The following CIPC variants were observed in gnomAD, a reference collection of about 807,000 sequenced individuals.
The protein encoded by CIPC is CLOCK interacting pacemaker.
A neutral mutation model predicts 26.7 loss-of-function variants in CIPC; 12 were observed. That is an observed-to-expected ratio of 0.45 (90% confidence interval 0.29 to 0.73). The LOEUF is 0.73. CIPC is among the 30% of genes least tolerant of loss of function. The pLI is 0.12. For missense variants in CIPC, 417 were observed against 486.5 expected, an observed-to-expected ratio of 0.86 and a Z score of 1.34; for synonymous variants, 170 against 189.8, an observed-to-expected ratio of 0.90 and a Z score of 0.86.
intron 2 of CIPC, among the ~76,000 whole-genome samples, chr14:77,108,859 C>T (rs1293963180): frequency 1.3e-5 from 2 of 152,158 alleles, no homozygotes; most frequent in African/African-American, 4.8e-5. Flanking sequence ...ATCATCATTT[C>T]TGATACTCAA....
In CIPC at chr14:77,105,689, T is replaced by C. The variant is rs375619876; in HGVS notation, c.-20T>C. ...CAGATGAAAAGAGTACCAATGAATC[T>C]GCCTCCAGCTGAATAAACCATGGAG... On this transcript the variant is annotated 5_prime_UTR_variant, in exon 2 of 4. Transcript: ENST00000361786. 111 of 1,609,554 alleles carry C rather than the reference T, an allele frequency of 6.9e-5. No homozygotes were observed. The East Asian group carries it at 1.8e-3, about 26-fold the overall frequency.
In CIPC at chr14:77,113,977, G is replaced by A. The variant is rs750253707; in HGVS notation, c.859G>A (p.Ala287Thr). 1.9e-6 allele frequency: 3 copies of A among 1,614,172 alleles called. No homozygotes were observed. The highest frequency in any genetic ancestry group is 1.3e-5 in the African/African-American group (1 of 75,048). Residue 287 changes from alanine to threonine, a missense_variant, in exon 4 of 4, where the codon GCT (alanine) becomes ACT (threonine). Transcript: ENST00000361786. ...CAACTCTCCCCTTTCACCACTGTCC[G>A]CTAATTATAGCTCACCTTTATGGGC... ...ESNSPLSPLS[A>T]NYSSPLWAAE...
intron 1 of CIPC, among the ~76,000 whole-genome samples, chr14:77,102,753 A>G (rs1019100801): frequency 6.6e-6 from 1 of 152,200 alleles, no homozygotes; most frequent in African/African-American, 2.4e-5. Flanking sequence ...CTCCTAATCT[A>G]AATCAACAGC....
rs1886769927 is a variant in CIPC at position 77,114,482 on chromosome 14, C to T, written c.*164C>T. ...CCAATACCTGGCTGCTGTCTTAACT[C>T]GTAGTCTGGGCACAGGATACATATG... On this transcript the variant is annotated 3_prime_UTR_variant, in exon 4 of 4. Coordinates refer to ENST00000361786, the MANE Select transcript of CIPC (RefSeq NM_033426.3). 4.3e-6 allele frequency: 3 copies of T among 703,878 alleles called. No individual in the cohort carries two copies. Among genetic ancestry groups the T allele is most frequent in the South Asian group, 1.9e-5 (1 of 51,672 alleles). The allele number at this position is 703,878 out of a possible 1,614,324, so 43.6% of individuals were successfully genotyped here. A position where few individuals can be genotyped will look rare whatever the true frequency, so the allele number is the denominator to read the frequency against.
chr14:77,112,108 C>G (rs894918289), intron 3 of CIPC, among the ~76,000 whole-genome samples: 1 of 152,108 alleles, frequency 6.6e-6, no homozygotes, highest in Non-Finnish European at 1.5e-5. Context: ...AAATGGTGCG[C>G]GCATGTACAT....
chr14:77,108,374 G>A (rs1412852189), intron 2 of CIPC, among the ~76,000 whole-genome samples: 1 of 152,150 alleles, frequency 6.6e-6, no homozygotes, highest in East Asian at 1.9e-4. Context: ...ATCTTTGCCT[G>A]AATCATTACA....
At chr14:77,102,161 T>A (rs1886501656) in intron 1 of CIPC, among the ~76,000 whole-genome samples, 1 of 152,180 alleles carries the variant, frequency 6.6e-6, no homozygotes, top group Non-Finnish European at 1.5e-5. Context: ...CAGCAAGGTC[T>A]GTCTGTCCAG....
At chr14:77,101,739 T>A (rs1020893972) in intron 1 of CIPC, among the ~76,000 whole-genome samples, 2 of 152,112 alleles carry the variant, frequency 1.3e-5, no homozygotes, top group African/African-American at 2.4e-5. Context: ...TCTATTTTTA[T>A]GGTTAGGTTT....
At chr14:77,104,248 G>A (rs771836732) in intron 1 of CIPC, among the ~76,000 whole-genome samples, 1 of 152,156 alleles carries the variant, frequency 6.6e-6, no homozygotes, top group Non-Finnish European at 1.5e-5. Flanking sequence ...AATTAGCCAG[G>A]TGTGGTGCTA....
intron 1 of CIPC, among the ~76,000 whole-genome samples, chr14:77,101,877 G>C (rs1886492864): frequency 6.6e-6 from 1 of 152,152 alleles, no homozygotes; most frequent in Non-Finnish European, 1.5e-5. Flanking sequence ...CTTGAGTCCA[G>C]GAGGTTGAGA....
At chr14:77,103,701 G>A (rs1886536757) in intron 1 of CIPC, among the ~76,000 whole-genome samples, 1 of 152,126 alleles carries the variant, frequency 6.6e-6, no homozygotes, top group Non-Finnish European at 1.5e-5. Context: ...ATCTGCTGTG[G>A]ACTAGCTGTT....
At chr14:77,113,341 C>A in intron 3 of CIPC, 84 bp from the exon 4 acceptor site, 1 of 1,422,744 alleles carries the variant, frequency 7.0e-7, no homozygotes, top group Non-Finnish European at 9.9e-7. Context: ...ATTTGAGTAT[C>A]CACTTGCCCC....
chr14:77,111,616 G>A (rs1886703018), intron 3 of CIPC, among the ~76,000 whole-genome samples: 1 of 152,154 alleles, frequency 6.6e-6, no homozygotes, highest in Non-Finnish European at 1.5e-5. Flanking sequence ...TTAATATGAA[G>A]GGTTTATGTG....
At chr14:77,110,110 G>T in intron 3 of CIPC, 129 bp downstream of exon 3, 4 of 830,340 alleles carry the variant, frequency 4.8e-6, no homozygotes, top group Non-Finnish European at 1.8e-6. Context: ...CCACACCAAT[G>T]TGTACTTTCT....
chr14:77,112,682 GT>G (rs1374097189), intron 3 of CIPC, among the ~76,000 whole-genome samples: 2 of 151,626 alleles, frequency 1.3e-5, no homozygotes, highest in South Asian at 2.1e-4. Flanking sequence ...GACAATATGG[GT>G]TTTTTTCTTT....
chr14:77,103,723 C>G (rs528560711), intron 1 of CIPC, among the ~76,000 whole-genome samples: 1 of 152,158 alleles, frequency 6.6e-6, no homozygotes, highest in Non-Finnish European at 1.5e-5. Flanking sequence ...ATCACTGGAG[C>G]AAATATAGGC....
chr14:77,100,065 G>A (rs1281467998), intron 1 of CIPC: 2 of 152,124 alleles, frequency 1.3e-5, no homozygotes, highest in Admixed American at 6.5e-5. Context: ...AATTGTTGGG[G>A]GCTGAGGTTG....
rs529543051 is a variant in CIPC at position 77,108,615 on chromosome 14, C to T, written c.137-1197C>T. Among the ~76,000 whole-genome samples the T allele has an allele frequency of 5.9e-5, 9 of 151,960 alleles. No homozygotes were observed. The South Asian group carries it at 8.3e-4, about 14-fold the overall frequency. The stretch of plus-strand genomic sequence containing the variant: ...CTGAGGCAGGAGAACCGCTTGAACC[C>T]GGGAGGCAGAGGTTGTGGTGAGCTA... On this transcript the variant is annotated intron_variant, in intron 2 of 3. Coordinates refer to ENST00000361786, the MANE Select transcript of CIPC (RefSeq NM_033426.3).
intron 1 of CIPC, among the ~76,000 whole-genome samples, chr14:77,100,561 T>C (rs1566803408): frequency 6.6e-6 from 1 of 150,862 alleles, no homozygotes; most frequent in Non-Finnish European, 1.5e-5. Context: ...CTCTTTTCTT[T>C]TCTTTTCTCT....
Sources: gnomAD v4.1 joint callset for allele counts (sites outside exome capture counted in the v4.1 genomes callset) on GRCh38, gnomAD v4.1.1 for gene constraint, MANE v1.5 for transcripts, NCBI Gene and HGNC (gene_info 2026-07-23, HGNC 2026-07-21) for gene names.